WWOX: variants seen among roughly 807,000 people sequenced by gnomAD.
WWOX encodes the protein WW domain containing oxidoreductase.
A neutral mutation model predicts 46.2 loss-of-function variants in WWOX; 69 were observed. The observed-to-expected ratio is 1.49, with a 90% confidence interval of 1.23 to 1.82. The LOEUF (loss-of-function observed/expected upper bound fraction) is 1.82. Among genes scored for constraint, WWOX ranks in the 40% most tolerant of loss-of-function variants. WWOX has a pLI of 0.00. For missense variants in WWOX, 919 were observed against 542.6 expected, an observed-to-expected ratio of 1.69 and a Z score of -6.89; for synonymous variants, 359 against 202.6, an observed-to-expected ratio of 1.77 and a Z score of -6.56.
At chr16:78,299,254 C>G (rs2079998524) in intron 5 of WWOX, among the ~76,000 whole-genome samples, 1 of 152,098 alleles carries the variant, frequency 6.6e-6, no homozygotes, top group African/African-American at 2.4e-5. Context: ...CACCTGGCAC[C>G]TTTTTATTCT....
intron 3 of WWOX, chr16:78,111,768 T>C (rs2032505261): frequency 6.2e-6 from 1 of 160,978 alleles, no homozygotes; most frequent in African/African-American, 2.4e-5. Context: ...ACGTAGTAGA[T>C]AGTGGTAGAA....
chr16:78,904,549 C>G (rs1008350894), intron 8 of WWOX, among the ~76,000 whole-genome samples: 3 of 152,022 alleles, frequency 2.0e-5, no homozygotes, highest in Non-Finnish European at 2.9e-5. Flanking sequence ...AATGTCTTTT[C>G]TGGGTGGGGC....
chr16:78,805,528 C>T (rs576821523), intron 8 of WWOX, among the ~76,000 whole-genome samples: 16 of 152,142 alleles, frequency 1.1e-4, no homozygotes, highest in Middle Eastern at 3.4e-3. Context: ...CGTGATCCGC[C>T]CGCCTCAGCC....
At chr16:78,859,193 A>C (rs1206062724) in intron 8 of WWOX, among the ~76,000 whole-genome samples, 4 of 151,374 alleles carry the variant, frequency 2.6e-5, no homozygotes, top group Non-Finnish European at 5.9e-5. Context: ...AAGCAGGATG[A>C]AGGGGCCTAA....
intron 6 of WWOX, among the ~76,000 whole-genome samples, chr16:78,406,303 A>AATATAAATATAAATATAT (rs1200192812): frequency 1.7e-5 from 1 of 57,844 alleles, no homozygotes; most frequent in African/African-American, 4.2e-5. Flanking sequence ...TATAAATATA[A>AATATAAATATAAATATAT]ATATATATAT....
At chr16:78,118,156 C>G (rs754724817) in intron 4 of WWOX, among the ~76,000 whole-genome samples, 1 of 151,918 alleles carries the variant, frequency 6.6e-6, no homozygotes, top group Middle Eastern at 3.4e-3. Context: ...TAGGGTTGCA[C>G]TAGAGCCATG....
intron 8 of WWOX, among the ~76,000 whole-genome samples, chr16:78,444,886 A>G (rs1371165356): frequency 6.6e-6 from 1 of 152,180 alleles, no homozygotes; most frequent in East Asian, 1.9e-4. Context: ...ACTCACTCAA[A>G]TGCTGCTGTT....
intron 6 of WWOX, among the ~76,000 whole-genome samples, chr16:78,420,138 G>A (rs1021129002): frequency 6.6e-6 from 1 of 152,138 alleles, no homozygotes; most frequent in Non-Finnish European, 1.5e-5. Context: ...AACACATGGA[G>A]AGATGAAAGT....
At chr16:78,263,615 A>G (rs2079293968) in intron 5 of WWOX, among the ~76,000 whole-genome samples, 1 of 149,966 alleles carries the variant, frequency 6.7e-6, no homozygotes, top group African/African-American at 2.5e-5. Flanking sequence ...TGGGGCTGTC[A>G]ACAGAGAGAA....
chr16:78,665,940 C>G (rs930201444), intron 8 of WWOX, among the ~76,000 whole-genome samples: 1 of 152,050 alleles, frequency 6.6e-6, no homozygotes, highest in African/African-American at 2.4e-5. Flanking sequence ...CCACCTTGGC[C>G]TCCCAAAGCT....
intron 8 of WWOX, among the ~76,000 whole-genome samples, chr16:79,045,735 A>C (rs1468676702): frequency 1.4e-5 from 2 of 146,654 alleles, no homozygotes; most frequent in Non-Finnish European, 3.0e-5. Context: ...AACTGTGGGC[A>C]AGTGATGTAA....
At chr16:78,205,827 A>ACCTT (rs545936818) in intron 5 of WWOX, among the ~76,000 whole-genome samples, 27 of 144,948 alleles carry the variant, frequency 1.9e-4, no homozygotes, top group South Asian at 8.9e-4. Flanking sequence ...CTTCCTTCCT[A>ACCTT]CCTTCCTTCC....
intron 5 of WWOX, among the ~76,000 whole-genome samples, chr16:78,192,426 A>T (rs973046533): frequency 7.4e-6 from 1 of 135,434 alleles, no homozygotes; most frequent in Non-Finnish European, 1.5e-5. Flanking sequence ...CAGTAGGCGG[A>T]GGTTGCAGTG....
intron 8 of WWOX, among the ~76,000 whole-genome samples, chr16:79,007,027 TGGG>T (rs2047204713): frequency 2.0e-5 from 3 of 152,042 alleles, no homozygotes; most frequent in African/African-American, 7.2e-5. Flanking sequence ...GTGAGTGGGA[TGGG>T]GGTATCTCTA....
chr16:78,660,034 G>C (rs780279146), intron 8 of WWOX, among the ~76,000 whole-genome samples: 1 of 152,110 alleles, frequency 6.6e-6, no homozygotes, highest in African/African-American at 2.4e-5. Context: ...TTACCTCAAA[G>C]CAAACACATC....
intron 8 of WWOX, among the ~76,000 whole-genome samples, chr16:78,753,850 AT>A (rs2049562276): frequency 5.7e-5 from 5 of 87,334 alleles, no homozygotes; most frequent in African/African-American, 2.4e-4. Flanking sequence ...ATATATATAT[AT>A]ATATGTATAT....
Position 79,037,616 on chromosome 16 carries a change from C to T in WWOX, c.1057-173992C>T, listed in dbSNP as rs373927329. On this transcript the variant is annotated intron_variant, in intron 8 of 8. Coordinates refer to ENST00000566780, the MANE Select transcript of WWOX (RefSeq NM_016373.4). ...CCCTGCTACCTCCCAGAAGCTGAGG[C>T]AGGATGGGCAGGTTGCCACACCCTC... is the stretch of plus-strand genomic sequence containing the variant. 5.3e-5 allele frequency among the ~76,000 whole-genome samples: 8 copies of T among 152,160 alleles called. No individual in the cohort carries two copies. The East Asian group carries it at 5.8e-4, about 11-fold the overall frequency.
chr16:78,832,401 T>C (rs1480026234), intron 8 of WWOX, among the ~76,000 whole-genome samples: 1 of 152,160 alleles, frequency 6.6e-6, no homozygotes, highest in Non-Finnish European at 1.5e-5. Context: ...GCACCGTAAC[T>C]TTAGCTACAT....
At chr16:78,876,835 G>C (rs1318707389) in intron 8 of WWOX, among the ~76,000 whole-genome samples, 1 of 152,124 alleles carries the variant, frequency 6.6e-6, no homozygotes, top group Non-Finnish European at 1.5e-5. Context: ...CATCTTAACA[G>C]CTTGGCAAAC....
Sources: allele counts gnomAD v4.1 joint callset (sites outside exome capture counted in the v4.1 genomes callset), GRCh38; gene constraint gnomAD v4.1.1; transcripts MANE v1.5; gene names NCBI Gene and HGNC (gene_info 2026-07-23, HGNC 2026-07-21).